CCDC178: variants seen among roughly 807,000 people sequenced by gnomAD.
CCDC178 encodes the protein coiled-coil domain-containing protein 178.
CCDC178 carries 126 observed loss-of-function variants against 117.4 expected under a neutral mutation model. The observed-to-expected ratio is 1.07, with a 90% CI of 0.93 to 1.24. The LOEUF (loss-of-function observed/expected upper bound fraction) is 1.24. CCDC178 is among the 50% of genes most tolerant of loss of function. CCDC178 has a pLI of 0.00. For missense variants in CCDC178, 1,030 were observed against 986.9 expected, an observed-to-expected ratio of 1.04 and a Z score of -0.59; for synonymous variants, 283 against 313.4, an observed-to-expected ratio of 0.90 and a Z score of 1.02.
intron 20 of CCDC178, among the ~76,000 whole-genome samples, chr18:33,185,040 G>A (rs933119937): frequency 1.3e-5 from 2 of 151,834 alleles, no homozygotes; most frequent in African/African-American, 4.8e-5. Context: ...TTTTCTGAAA[G>A]TATGACAACA....
intron 12 of CCDC178, among the ~76,000 whole-genome samples, chr18:33,275,178 A>T (rs1022215978): frequency 3.3e-5 from 5 of 152,108 alleles, no homozygotes; most frequent in Non-Finnish European, 7.4e-5. Context: ...CCCAACAATT[A>T]GGTTGGTATA....
At chr18:33,014,189 G>GA (rs113174107) in intron 21 of CCDC178, among the ~76,000 whole-genome samples, 4 of 152,286 alleles carry the variant, frequency 2.6e-5, no homozygotes, top group African/African-American at 9.6e-5. Flanking sequence ...GTAAACACAG[G>GA]ATGCAGCGGA....
chr18:33,188,962 T>C (rs1363265094), intron 20 of CCDC178, among the ~76,000 whole-genome samples: 1 of 152,134 alleles, frequency 6.6e-6, no homozygotes, highest in African/African-American at 2.4e-5. Flanking sequence ...AGTTGAAACT[T>C]CCATCTGGTC....
chr18:33,070,987 TTCAAA>T (rs2057099027), intron 21 of CCDC178, among the ~76,000 whole-genome samples: 1 of 152,066 alleles, frequency 6.6e-6, no homozygotes, highest in South Asian at 2.1e-4. Flanking sequence ...AAAATAAATC[TTCAAA>T]TCAATTAAGG....
At chr18:32,973,415 C>T (rs2054970076) in intron 22 of CCDC178, among the ~76,000 whole-genome samples, 1 of 152,082 alleles carries the variant, frequency 6.6e-6, no homozygotes, top group Admixed American at 6.6e-5. Flanking sequence ...CTCCTGACTT[C>T]TAAAATAATG....
intron 20 of CCDC178, among the ~76,000 whole-genome samples, chr18:33,161,355 CAT>C (rs2058460626): frequency 6.6e-6 from 1 of 151,932 alleles, no homozygotes; most frequent in African/African-American, 2.4e-5. Flanking sequence ...ATGAAAACTA[CAT>C]GTGTGGAGTA....
intron 20 of CCDC178, among the ~76,000 whole-genome samples, chr18:33,106,337 T>C (rs1324795621): frequency 6.6e-6 from 1 of 151,728 alleles, no homozygotes; most frequent in Non-Finnish European, 1.5e-5. Context: ...AAAGAGCAAG[T>C]CTTCTGGAAT....
chr18:33,347,137 C>A (rs2144681924), intron 8 of CCDC178, among the ~76,000 whole-genome samples: 1 of 152,160 alleles, frequency 6.6e-6, no homozygotes, highest in African/African-American at 2.4e-5. Context: ...AGATATGAGT[C>A]CTATCCTTGT....
At chr18:33,007,805 C>A (rs1832789007) in intron 21 of CCDC178, among the ~76,000 whole-genome samples, 1 of 152,112 alleles carries the variant, frequency 6.6e-6, no homozygotes, top group East Asian at 1.9e-4. Context: ...ACAGTTTTAA[C>A]AAGGGCTGAA....
rs145155185 is a variant in CCDC178 at position 33,355,724 on chromosome 18, G to C, written c.371+600C>G. On this transcript the variant is annotated intron_variant, in intron 7 of 22. Transcript: ENST00000383096. ...CTATAGCCTCAGGCTGCTATGGCAA[G>C]TATATGCCTTTAAATGCTTTTTGCA... Among the ~76,000 whole-genome samples the C allele has an allele frequency of 7.9e-3, 1,203 of 152,312 alleles. 10 individuals are homozygous for C. Among genetic ancestry groups the C allele is most frequent in the Middle Eastern group, 0.041 (12 of 294 alleles).
At chr18:33,291,383 C>A (rs1207813167) in intron 12 of CCDC178, among the ~76,000 whole-genome samples, 1 of 151,938 alleles carries the variant, frequency 6.6e-6, no homozygotes, top group Admixed American at 6.6e-5. Context: ...AGATGACACT[C>A]AGTATATAGC....
At position 33,179,853 on chromosome 18, in the gene CCDC178, C is replaced by T. The variant is rs1044113512; in HGVS notation, c.2238+32043G>A. ...TTTCAGAATATTAGTTTTAACACCGCTAGTCTACAAACTTCATGGACATTA... is the reference window on the plus strand; with the variant it reads ...TTTCAGAATATTAGTTTTAACACCGTTAGTCTACAAACTTCATGGACATTA... On this transcript the variant is annotated intron_variant, in intron 20 of 22. Coordinates refer to ENST00000383096, the MANE Select transcript of CCDC178 (RefSeq NM_001105528.4). 2.6e-5 allele frequency among the ~76,000 whole-genome samples: 4 copies of T among 151,978 alleles called. No homozygotes were observed. The South Asian group carries it at 8.3e-4, about 31-fold the overall frequency.
intron 3 of CCDC178, among the ~76,000 whole-genome samples, chr18:33,407,424 G>A (rs948065077): frequency 6.6e-6 from 1 of 152,046 alleles, no homozygotes; most frequent in South Asian, 2.1e-4. Flanking sequence ...GAGAAGGAAG[G>A]TAATAATATC....
At chr18:33,206,686 T>G (rs527866862) in intron 20 of CCDC178, among the ~76,000 whole-genome samples, 8 of 152,252 alleles carry the variant, frequency 5.3e-5, no homozygotes, top group African/African-American at 1.7e-4. Flanking sequence ...AAGAATATAT[T>G]GTTAAATTTT....
intron 20 of CCDC178, among the ~76,000 whole-genome samples, chr18:33,167,852 G>C (rs2058551752): frequency 6.7e-6 from 1 of 149,360 alleles, no homozygotes. Flanking sequence ...GGGTGAGAGA[G>C]TGAGACTCTG....
At chr18:33,009,128 T>C (rs1481107660) in intron 21 of CCDC178, among the ~76,000 whole-genome samples, 1 of 152,080 alleles carries the variant, frequency 6.6e-6, no homozygotes. Flanking sequence ...AAATATACCC[T>C]GAATTTGACC....
intron 22 of CCDC178, among the ~76,000 whole-genome samples, chr18:32,951,795 T>C (rs2054491522): frequency 6.6e-6 from 1 of 152,204 alleles, no homozygotes. Context: ...CCTATGAGCC[T>C]GTAAAATCAA....
chr18:33,096,747 T>C (rs529409427), intron 20 of CCDC178, among the ~76,000 whole-genome samples: 35 of 152,210 alleles, frequency 2.3e-4, no homozygotes, highest in African/African-American at 7.9e-4. Flanking sequence ...ACCGTCTCAG[T>C]TCTGGAAACC....
chr18:32,956,730 G>A (rs180704573), intron 22 of CCDC178: 1 of 152,308 alleles, frequency 6.6e-6, no homozygotes, highest in East Asian at 1.9e-4. Flanking sequence ...ACTCACCGTA[G>A]ACCCCTGGCT....
Sources: allele counts gnomAD v4.1 joint callset (sites outside exome capture counted in the v4.1 genomes callset), GRCh38; gene constraint gnomAD v4.1.1; transcripts MANE v1.5; gene names NCBI Gene and HGNC (gene_info 2026-07-23, HGNC 2026-07-21).